EVL: variants seen among roughly 807,000 people sequenced by gnomAD.
EVL encodes the protein Enah/Vasp-like.
EVL carries 21 observed loss-of-function variants against 59.6 expected under a neutral mutation model. The observed-to-expected ratio is 0.35, with a 90% CI of 0.25 to 0.51. EVL has a LOEUF of 0.51. EVL is among the 20% of genes least tolerant of loss of function. The pLI is 0.97. For synonymous variants in EVL, 198 were observed against 203.5 expected (o/e 0.97, Z 0.23); for missense variants, 462 against 546.6 (o/e 0.85, Z 1.54).
At position 100,143,760 on chromosome 14, in the gene EVL, A is replaced by AT. The variant is rs752861305; in HGVS notation, c.*24dup. The stretch of plus-strand genomic sequence containing the variant: ...GTAAGGGGCCGGCCTCGCTGCGCTG[A>AT]TTCGTCGAGCCCATCCGGCGACAGA... On this transcript the variant is annotated 3_prime_UTR_variant, in exon 14 of 14. Coordinates refer to ENST00000392920, the MANE Select transcript of EVL (RefSeq NM_016337.3). 12 of 1,610,184 alleles carry AT rather than the reference A, an allele frequency of 7.5e-6. No homozygotes were observed. In the South Asian group the frequency reaches 1.1e-4, roughly 15 times the overall value.
At chr14:100,047,114 CTCTCTTTTTT>C (rs560026589) in intron 1 of EVL, among the ~76,000 whole-genome samples, 19,320 of 94,982 alleles carry the variant, frequency 0.2, 3,309 homozygotes, top group African/African-American at 0.3. Context: ...GCAGATCTCT[CTCTCTTTTTT>C]TTTTTTTTTT....
At chr14:100,121,290 C>A (rs1302716214) in intron 3 of EVL, among the ~76,000 whole-genome samples, 1 of 152,210 alleles carries the variant, frequency 6.6e-6, no homozygotes, top group African/African-American at 2.4e-5. Flanking sequence ...GTCCCTCCCC[C>A]CGACTGCCAC....
At chr14:100,054,244 G>A (rs2061692745) in intron 1 of EVL, among the ~76,000 whole-genome samples, 1 of 151,356 alleles carries the variant, frequency 6.6e-6, no homozygotes, top group African/African-American at 2.4e-5. Context: ...TAGCAGAGAT[G>A]GGGTTTCACC....
At chr14:100,097,389 C>T in intron 2 of EVL, 92 bp from the exon 3 acceptor site, 1 of 1,161,448 alleles carries the variant, frequency 8.6e-7, no homozygotes, top group East Asian at 2.5e-5. Context: ...CCTGTCCTCT[C>T]AAGGATACAG....
Position 100,109,817 on chromosome 14 carries a change from C to T in EVL, c.358+12159C>T. 2.2e-6 allele frequency: 1 copy of T among 452,012 alleles called. No individual in the cohort carries two copies. The highest frequency in any genetic ancestry group is 1.7e-5 in the South Asian group (1 of 60,366). 28.0% of individuals were successfully genotyped at this position (452,012 alleles called of 1,614,324 possible). A position where few individuals can be genotyped will look rare whatever the true frequency, so the allele number is the denominator to read the frequency against. Reference sequence around the variant, plus strand: ...CAGCCTATGGAAGGGCCTTCAGCTGCTGTGGCCCCGAGGTGTGCATACTGT... The same window carrying T: ...CAGCCTATGGAAGGGCCTTCAGCTGTTGTGGCCCCGAGGTGTGCATACTGT... On this transcript the variant is annotated intron_variant, in intron 3 of 13. Coordinates refer to ENST00000392920, the MANE Select transcript of EVL (RefSeq NM_016337.3). The surrounding 1 kb of genome is among the most constrained non-coding windows in gnomAD (Gnocchi z 4.3).
intron 6 of EVL, among the ~76,000 whole-genome samples, chr14:100,128,965 A>G (rs1888261731): frequency 6.6e-6 from 1 of 152,228 alleles, no homozygotes; most frequent in African/African-American, 2.4e-5. Flanking sequence ...TGACCTTCAC[A>G]CGTGGGGCAA....
intron 1 of EVL, among the ~76,000 whole-genome samples, chr14:99,983,644 T>A (rs897845422): frequency 6.6e-6 from 1 of 152,206 alleles, no homozygotes; most frequent in Non-Finnish European, 1.5e-5. Flanking sequence ...TGGAGCTGTG[T>A]TTATTGCACT....
intron 13 of EVL, 78 bp downstream of exon 13, chr14:100,141,871 C>T: frequency 7.1e-7 from 1 of 1,407,472 alleles, no homozygotes; most frequent in Non-Finnish European, 9.8e-7. Flanking sequence ...AGGCTGGGGG[C>T]CTCCAGTTTT....
intron 1 of EVL, among the ~76,000 whole-genome samples, chr14:99,988,163 A>C (rs2140175874): frequency 6.6e-6 from 1 of 151,974 alleles, no homozygotes; most frequent in African/African-American, 2.4e-5. Context: ...TGATCTGCCC[A>C]CCTCGACCTC....
At chr14:100,038,771 G>GGGGTGTGTGTGTGT (rs375810603) in intron 1 of EVL, among the ~76,000 whole-genome samples, 83 of 141,004 alleles carry the variant, frequency 5.9e-4, no homozygotes, top group African/African-American at 1.2e-3. Context: ...TGTGCCCTGG[G>GGGGTGTGTGTGTGT]GTGTGTGTGT....
At chr14:100,026,815 A>T (rs1301908829) in intron 1 of EVL, among the ~76,000 whole-genome samples, 1 of 152,236 alleles carries the variant, frequency 6.6e-6, no homozygotes, top group Non-Finnish European at 1.5e-5. Context: ...TCTGATAATG[A>T]AAATACTTTG....
chr14:100,054,799 CATT>C (rs1408456756), intron 1 of EVL, among the ~76,000 whole-genome samples: 9 of 152,086 alleles, frequency 5.9e-5, no homozygotes, highest in Non-Finnish European at 1.3e-4. Context: ...CTGTGAATGA[CATT>C]AAACTTTTCT....
chr14:100,051,171 T>A (rs61984482), intron 1 of EVL, among the ~76,000 whole-genome samples: 4,508 of 152,276 alleles, frequency 0.03, 108 homozygotes, highest in Non-Finnish European at 0.046. Flanking sequence ...AGAAATAATT[T>A]GTAAATTTTA....
At chr14:100,083,337 C>T (rs2140299588) in intron 1 of EVL, among the ~76,000 whole-genome samples, 1 of 152,120 alleles carries the variant, frequency 6.6e-6, no homozygotes, top group East Asian at 1.9e-4. Context: ...GTGATTTGAC[C>T]CAACGTCTGT....
At chr14:100,025,955 C>A (rs1300455403) in intron 1 of EVL, among the ~76,000 whole-genome samples, 1 of 151,622 alleles carries the variant, frequency 6.6e-6, no homozygotes, top group Admixed American at 6.6e-5. Flanking sequence ...AACAAACAAA[C>A]AAAACACAGC....
Position 100,123,623 on chromosome 14 carries a change from G to A in EVL, c.422+21G>A, listed in dbSNP as rs200942167. The A allele has an allele frequency of 1.5e-5, 24 of 1,613,538 alleles. No homozygotes were observed. In the East Asian group the frequency reaches 4.9e-4, roughly 33 times the overall value. On this transcript the variant is annotated intron_variant, in intron 4 of 13. Transcript: ENST00000392920. The stretch of plus-strand genomic sequence containing the variant: ...AGAAGGTAACCCAGCACCCGCAGGG[G>A]CCAGGCTGGTCATCTCCCAATCAGG...
intron 1 of EVL, among the ~76,000 whole-genome samples, chr14:100,048,086 GA>G (rs1325800988): frequency 3.3e-5 from 5 of 152,198 alleles, no homozygotes; most frequent in African/African-American, 1.2e-4. Context: ...ACATGACAGC[GA>G]AAGCACCATC....
intron 1 of EVL, among the ~76,000 whole-genome samples, chr14:100,054,464 G>A (rs371870396): frequency 1.3e-5 from 2 of 152,016 alleles, no homozygotes; most frequent in East Asian, 1.9e-4. Context: ...TCTGTCTTTC[G>A]TATACAAACC....
intron 5 of EVL, 79 bp downstream of exon 5, chr14:100,126,850 A>C: frequency 3.6e-6 from 5 of 1,398,832 alleles, no homozygotes; most frequent in Non-Finnish European, 5.0e-6. Context: ...AGGCCCAGGG[A>C]CACACGGGGC....
Sources: gnomAD v4.1 joint callset for allele counts (sites outside exome capture counted in the v4.1 genomes callset) on GRCh38, gnomAD v4.1.1 for gene constraint, Gnocchi (gnomAD v3.1) non-coding constraint, MANE v1.5 for transcripts, NCBI Gene and HGNC (gene_info 2026-07-23, HGNC 2026-07-21) for gene names.